ARHGAP6: variants seen among roughly 807,000 people sequenced by gnomAD.
The protein encoded by ARHGAP6 is rho GTPase-activating protein 6.
Under a neutral mutation model 55.7 loss-of-function variants are expected in ARHGAP6, and 16 were observed. That is an observed-to-expected ratio of 0.29 (90% CI 0.19 to 0.44). ARHGAP6 has a LOEUF of 0.44. Among genes scored for constraint, ARHGAP6 ranks in the 20% least tolerant of loss-of-function variants. The pLI, the probability that ARHGAP6 is intolerant of heterozygous loss-of-function variation, is 1.00. For missense variants in ARHGAP6, 698 were observed against 808.9 expected (o/e 0.86, Z 1.66); for synonymous variants, 382 against 360.9 (o/e 1.06, Z -0.66).
At chrX:11,159,575 G>A (rs2147291276) in intron 9 of ARHGAP6, among the ~76,000 whole-genome samples, 1 of 111,328 alleles carries the variant, frequency 9.0e-6, no homozygotes, top group Non-Finnish European at 1.9e-5. Flanking sequence ...CTGTTGACTG[G>A]TTTGGAGAAG....
intron 2 of ARHGAP6, among the ~76,000 whole-genome samples, chrX:11,249,819 T>C (rs981094682): frequency 1.2e-4 from 13 of 112,338 alleles, no homozygotes; most frequent in African/African-American, 3.9e-4. Context: ...TTCTATTTTT[T>C]TAAAATGTAG....
intron 1 of ARHGAP6, among the ~76,000 whole-genome samples, chrX:11,446,253 T>A (rs2050090912): frequency 9.0e-6 from 1 of 111,499 alleles, no homozygotes; most frequent in African/African-American, 3.3e-5. Flanking sequence ...ATGTCCAGAG[T>A]GAGAAAGGCA....
chrX:11,506,821 T>TTG (rs2050738846), intron 1 of ARHGAP6, among the ~76,000 whole-genome samples: 1 of 111,907 alleles, frequency 8.9e-6, no homozygotes. Context: ...CCACACTGTC[T>TTG]TCCACAATGG....
chrX:11,519,392 T>C (rs1294613553), intron 1 of ARHGAP6, among the ~76,000 whole-genome samples: 1 of 109,701 alleles, frequency 9.1e-6, no homozygotes, highest in Non-Finnish European at 1.9e-5. Context: ...CCAGTGATGG[T>C]GAGCATTTTT....
At chrX:11,418,944 C>T (rs764383123) in intron 1 of ARHGAP6, among the ~76,000 whole-genome samples, 23 of 112,210 alleles carry the variant, frequency 2.0e-4, no homozygotes, top group South Asian at 7.5e-4. Flanking sequence ...CCCCCCCTCC[C>T]GCCAGCCCTC....
chrX:11,378,501 C>A (rs995339039), intron 1 of ARHGAP6, among the ~76,000 whole-genome samples: 1 of 112,124 alleles, frequency 8.9e-6, no homozygotes, highest in Non-Finnish European at 1.9e-5. Flanking sequence ...TTTCCATTCC[C>A]GAAGACCATC....
intron 1 of ARHGAP6, among the ~76,000 whole-genome samples, chrX:11,608,808 G>A (rs372462112): frequency 4.5e-5 from 5 of 111,585 alleles, no homozygotes; most frequent in Non-Finnish European, 9.4e-5. Flanking sequence ...CATGTAGGAA[G>A]TGCCTTTCAC....
At chrX:11,655,722 T>C (rs2052630478) in intron 1 of ARHGAP6, among the ~76,000 whole-genome samples, 1 of 112,310 alleles carries the variant, frequency 8.9e-6, no homozygotes, top group Non-Finnish European at 1.9e-5. Flanking sequence ...CGTAACATAG[T>C]TACAATCACA....
At chrX:11,514,969 C>G (rs1194826624) in intron 1 of ARHGAP6, among the ~76,000 whole-genome samples, 1 of 111,272 alleles carries the variant, frequency 9.0e-6, no homozygotes, top group African/African-American at 3.3e-5. Context: ...TCTGTAAATT[C>G]TCATAGCCAT....
chrX:11,294,923 T>C, intron 1 of ARHGAP6: 2 of 1,046,537 alleles, frequency 1.9e-6, no homozygotes, highest in Non-Finnish European at 2.7e-6. Flanking sequence ...TTGGTGAAAT[T>C]AGGGTTTAAA....
chrX:11,546,196 G>A (rs2051210558), intron 1 of ARHGAP6, among the ~76,000 whole-genome samples: 2 of 109,268 alleles, frequency 1.8e-5, no homozygotes, highest in Admixed American at 9.9e-5. Flanking sequence ...TTTTATGCTG[G>A]GACATTATTT....
intron 1 of ARHGAP6, among the ~76,000 whole-genome samples, chrX:11,302,644 C>T (rs1250402892): frequency 9.0e-6 from 1 of 111,308 alleles, no homozygotes; most frequent in Non-Finnish European, 1.9e-5. Flanking sequence ...CCCATAACCA[C>T]GCATGCTTTC....
intron 9 of ARHGAP6, among the ~76,000 whole-genome samples, chrX:11,161,737 T>C (rs1305021099): frequency 5.3e-5 from 6 of 112,440 alleles, no homozygotes; most frequent in African/African-American, 1.9e-4. Flanking sequence ...TCTGCAGTTA[T>C]TAGTTTTTAT....
At chrX:11,600,128 A>G (rs2051951959) in intron 1 of ARHGAP6, among the ~76,000 whole-genome samples, 1 of 111,730 alleles carries the variant, frequency 9.0e-6, no homozygotes, top group African/African-American at 3.3e-5. Context: ...CTACTCTCAA[A>G]AGCCATTTGA....
Position 11,357,663 on chromosome X carries a change from C to G in ARHGAP6, c.589-102956G>C, listed in dbSNP as rs188740908. Reference sequence around the variant, plus strand: ...TTGGATATGGGGTCTCTCTGGCCAGCTGCAAAGATTCTGCCTTTGTGAGAG... The same window carrying G: ...TTGGATATGGGGTCTCTCTGGCCAGGTGCAAAGATTCTGCCTTTGTGAGAG... On this transcript the variant is annotated intron_variant, in intron 1 of 12. Coordinates refer to ENST00000337414, the MANE Select transcript of ARHGAP6 (RefSeq NM_013427.3). Among the ~76,000 whole-genome samples the G allele has an allele frequency of 6.3e-5, 7 of 111,420 alleles. No homozygotes were observed. In the East Asian group the frequency reaches 2.0e-3, roughly 31 times the overall value.
intron 1 of ARHGAP6, among the ~76,000 whole-genome samples, chrX:11,401,791 T>C (rs970079951): frequency 2.7e-5 from 3 of 112,336 alleles, no homozygotes; most frequent in African/African-American, 9.7e-5. Context: ...TTACCAAAAC[T>C]CAGCAAATGT....
intron 1 of ARHGAP6, among the ~76,000 whole-genome samples, chrX:11,577,709 T>C: frequency 9.0e-6 from 1 of 111,509 alleles, no homozygotes; most frequent in East Asian, 2.8e-4. Context: ...AATGGTGGTG[T>C]TGGTTGGGGA....
intron 1 of ARHGAP6, among the ~76,000 whole-genome samples, chrX:11,467,805 C>T (rs987935698): frequency 5.4e-5 from 6 of 110,166 alleles, no homozygotes; most frequent in African/African-American, 2.0e-4. Context: ...CATGGCAAAA[C>T]CCCATCTCTA....
intron 1 of ARHGAP6, among the ~76,000 whole-genome samples, chrX:11,650,429 C>T (rs1434758925): frequency 9.0e-6 from 1 of 111,728 alleles, no homozygotes; most frequent in Non-Finnish European, 1.9e-5. Flanking sequence ...ATGATAACCT[C>T]ATAAGGAGAG....
Sources: gnomAD v4.1 joint callset for allele counts (sites outside exome capture counted in the v4.1 genomes callset) on GRCh38, gnomAD v4.1.1 for gene constraint, MANE v1.5 for transcripts, NCBI Gene and HGNC (gene_info 2026-07-23, HGNC 2026-07-21) for gene names.